The following GIMAP8 variants were observed in gnomAD, a reference collection of about 807,000 sequenced individuals.
GIMAP8 encodes GTPase, IMAP family member 8, also known as GTPase IMAP family member 8.
GIMAP8 carries 29 observed loss-of-function variants against 35.6 expected under a neutral mutation model. The ratio of observed to expected loss-of-function variants is 0.81; its 90% CI spans 0.61 to 1.11. GIMAP8 has a LOEUF of 1.11. Ranked by LOEUF, GIMAP8 falls within the 50% of genes most tolerant of loss-of-function variation. The probability of loss-of-function intolerance (pLI) is 0.00; values close to 1 mark genes in which losing one functional copy is unlikely to be tolerated. For missense variants in GIMAP8, 811 were observed against 805.0 expected, an observed-to-expected ratio of 1.01 and a Z score of -0.09; for synonymous variants, 335 against 308.7, an observed-to-expected ratio of 1.09 and a Z score of -0.89.
Position 150,474,543 on chromosome 7 carries a change from G to C in GIMAP8, c.1214G>C (p.Gly405Ala), listed in dbSNP as rs1802178786. 6.3e-7 allele frequency: 1 copy of C among 1,577,778 alleles called. No homozygotes were observed. Among genetic ancestry groups the C allele is most frequent in the Non-Finnish European group, 8.7e-7 (1 of 1,147,546 alleles). Residue 405 changes from glycine to alanine, a missense_variant, in exon 4 of 5, where the codon GGA (glycine) becomes GCA (alanine). By Grantham distance (60) the Gly-to-Ala change is moderately conservative. Transcript: ENST00000307271. ...AGTGCCTTCAACTACCGGGCAACAG[G>C]AGAAGAAGAGCAAAGGCAGGCGGAC... is the stretch of plus-strand genomic sequence containing the variant. ...RYSAFNYRAT[G>A]EEEQRQADEL...
At chr7:150,469,248 CT>C (rs1563285327) in intron 2 of GIMAP8, among the ~76,000 whole-genome samples, 2 of 152,216 alleles carry the variant, frequency 1.3e-5, no homozygotes, top group African/African-American at 4.8e-5. Flanking sequence ...CCATCCCACC[CT>C]GTACCAGGTT....
rs866758096 is a variant in GIMAP8, at chr7:150,477,694, G to A, written c.1912G>A (p.Glu638Lys). The A allele has an allele frequency of 6.2e-7, 1 of 1,614,192 alleles. No homozygotes were observed. Among genetic ancestry groups the A allele is most frequent in the Non-Finnish European group, 8.5e-7 (1 of 1,180,038 alleles). The change falls in exon 5 of 5, where the codon GAG becomes AAG. Residue 638 changes from glutamate (E) to lysine (K), a missense_variant. Physicochemically the swap from Glu to Lys is moderately conservative, Grantham distance 56 (BLOSUM62 1). Transcript: ENST00000307271. The part of the protein sequence containing the change: ...SGWSGYPHTQ[E>K]NVSKLIKNVQ... ...GTGGTCCGGGTATCCCCATACACAGGAGAACGTCAGCAAACTAATTAAAAA... is the reference window on the plus strand; with the variant it reads ...GTGGTCCGGGTATCCCCATACACAGAAGAACGTCAGCAAACTAATTAAAAA...
intron 1 of GIMAP8, among the ~76,000 whole-genome samples, chr7:150,461,922 T>C (rs929572345): frequency 2.6e-5 from 4 of 152,230 alleles, no homozygotes; most frequent in African/African-American, 9.6e-5. Context: ...AGGCTGTTTA[T>C]TTCACCTGGG....
rs1417823598 is a variant in GIMAP8 at position 150,460,917 on chromosome 7, G to A, written c.-28-5754G>A. Among the ~76,000 whole-genome samples the A allele has an allele frequency of 2.6e-5, 4 of 152,250 alleles. No individual in the cohort carries two copies. In the East Asian group the frequency reaches 5.8e-4, roughly 22 times the overall value. ...TTGGTGGCCCATGGCTAAGTGTTCA[G>A]TGTCTACTAAGGCCCAGCGGCAGGC... On this transcript the variant is annotated intron_variant, in intron 1 of 4. Transcript: ENST00000307271.
intron 1 of GIMAP8, among the ~76,000 whole-genome samples, chr7:150,461,096 T>C (rs1271454118): frequency 6.6e-6 from 1 of 152,286 alleles, no homozygotes; most frequent in East Asian, 1.9e-4. Context: ...TAAGCACCAT[T>C]GGAGCTAATA....
intron 1 of GIMAP8, among the ~76,000 whole-genome samples, chr7:150,459,106 G>T (rs1563281000): frequency 6.6e-6 from 1 of 152,174 alleles, no homozygotes; most frequent in Non-Finnish European, 1.5e-5. Context: ...GTTATTAGTA[G>T]CCCTGCCTGG....
rs190925921 is a variant in GIMAP8 at position 150,474,568 on chromosome 7, C to T, written c.1239C>T (p.Asp413=). ...ATGEEEQRQA[D]ELLEKIESMV... Reference sequence around the variant, plus strand: ...GAGAAGAAGAGCAAAGGCAGGCGGACGAGCTCCTGGAAAAAATTGAGAGCA... The same window carrying T: ...GAGAAGAAGAGCAAAGGCAGGCGGATGAGCTCCTGGAAAAAATTGAGAGCA... Residue 413 remains aspartate, a synonymous_variant, in exon 4 of 5, where the codon GAC becomes GAT. Coordinates refer to ENST00000307271, the MANE Select transcript of GIMAP8 (RefSeq NM_175571.4). The T allele has an allele frequency of 9.6e-5, 155 of 1,613,006 alleles. No homozygotes were observed. The highest frequency in any genetic ancestry group is 1.3e-4 in the Admixed American group (8 of 59,834).
At chr7:150,460,487 T>G (rs942290686) in intron 1 of GIMAP8, among the ~76,000 whole-genome samples, 1 of 152,220 alleles carries the variant, frequency 6.6e-6, no homozygotes, top group African/African-American at 2.4e-5. Context: ...TATCTCCTTT[T>G]AAACAGAATG....
rs1802168232 is a variant in GIMAP8 at position 150,474,163 on chromosome 7, T to A, written c.834T>A (p.Ser278Arg). The A allele has an allele frequency of 1.2e-6, 2 of 1,614,160 alleles. No individual in the cohort carries two copies. Among genetic ancestry groups the A allele is most frequent in the Non-Finnish European group, 1.7e-6 (2 of 1,180,032 alleles). The change falls in exon 4 of 5, where the codon AGT (serine) becomes AGA (arginine). Residue 278 changes from serine to arginine, a missense_variant. Transcript: ENST00000307271. ...GGCAGGCCTTTCAGACCGGATTTAGTGAGCAGTCAGTAACCCAGAGCTTCT... is the reference window on the plus strand; with the variant it reads ...GGCAGGCCTTTCAGACCGGATTTAGAGAGCAGTCAGTAACCCAGAGCTTCT... ...LGRQAFQTGF[S>R]EQSVTQSFLS...
intron 4 of GIMAP8, among the ~76,000 whole-genome samples, 191 bp from the exon 5 acceptor site, chr7:150,476,901 C>T (rs1802241035): frequency 6.6e-6 from 1 of 152,186 alleles, no homozygotes; most frequent in African/African-American, 2.4e-5. Context: ...TGCCATGAGT[C>T]CACAGACTGA....
At chr7:150,460,163 G>C (rs1801813853) in intron 1 of GIMAP8, among the ~76,000 whole-genome samples, 1 of 152,186 alleles carries the variant, frequency 6.6e-6, no homozygotes, top group Non-Finnish European at 1.5e-5. Context: ...TTGTTCATCA[G>C]CATATTGGAT....
intron 4 of GIMAP8, among the ~76,000 whole-genome samples, chr7:150,475,884 G>T (rs192510759): frequency 6.6e-6 from 1 of 152,208 alleles, no homozygotes; most frequent in African/African-American, 2.4e-5. Flanking sequence ...GACTAAGCAT[G>T]TCACTTGTTA....
In GIMAP8 at chr7:150,474,480, C is replaced by T; in HGVS notation, c.1151C>T (p.Ala384Val). ...ACGTTCTTAAGAAACAGCAATAAAG[C>T]TCTCTATGGTCTCATCCAGAAGTGT... is the stretch of plus-strand genomic sequence containing the variant. ...LDTFLRNSNK[A>V]LYGLIQKCKN... The change falls in exon 4 of 5, where the codon GCT becomes GTT. Residue 384 changes from alanine (A) to valine (V), a missense_variant. Transcript: ENST00000307271. 1 of 1,613,836 alleles carries T rather than the reference C, an allele frequency of 6.2e-7. No homozygotes were observed. The highest frequency in any genetic ancestry group is 8.5e-7 in the Non-Finnish European group (1 of 1,179,826).
intron 4 of GIMAP8, among the ~76,000 whole-genome samples, chr7:150,475,460 A>G (rs1000573776): frequency 6.6e-6 from 1 of 152,080 alleles, no homozygotes; most frequent in Non-Finnish European, 1.5e-5. Flanking sequence ...CTTCAACTGG[A>G]TAGTGTGAGT....
At chr7:150,462,385 A>G (rs1211750951) in intron 1 of GIMAP8, among the ~76,000 whole-genome samples, 1 of 152,176 alleles carries the variant, frequency 6.6e-6, no homozygotes, top group Non-Finnish European at 1.5e-5. Context: ...CTATAGTAAT[A>G]ACATTTGATT....
At chr7:150,457,532 A>G (rs1801756028) in intron 1 of GIMAP8, among the ~76,000 whole-genome samples, 1 of 152,258 alleles carries the variant, frequency 6.6e-6, no homozygotes, top group Non-Finnish European at 1.5e-5. Flanking sequence ...GAAACCTAAA[A>G]ATAGGCCACA....
At position 150,451,707 on chromosome 7, in the gene GIMAP8, GT is replaced by G. The variant is rs1801613159; in HGVS notation, c.-29+533del. Among the ~76,000 whole-genome samples, 1 of 152,218 alleles carries G rather than the reference GT, an allele frequency of 6.6e-6. No homozygotes were observed. The highest frequency in any genetic ancestry group is 2.4e-5 in the African/African-American group (1 of 41,444). The stretch of plus-strand genomic sequence containing the variant: ...CGGAGCTCCTCCCGCAAAGCAGGGG[GT>G]GGGGGATGCTGATTTTTCCACGTCT... On this transcript the variant is annotated intron_variant, in intron 1 of 4. Coordinates refer to ENST00000307271, the MANE Select transcript of GIMAP8 (RefSeq NM_175571.4). The surrounding 1 kb of genome is among the most constrained non-coding windows in gnomAD (Gnocchi z 4.1).
chr7:150,476,160 T>C (rs1484540914), intron 4 of GIMAP8, among the ~76,000 whole-genome samples: 1 of 152,236 alleles, frequency 6.6e-6, no homozygotes, highest in East Asian at 1.9e-4. Context: ...AGTTGAAGTT[T>C]CAGCATAAAC....
rs2116604008 is a variant in GIMAP8 at position 150,466,890 on chromosome 7, T to A, written c.192T>A (p.Ile64=). The change falls in exon 2 of 5, where the codon ATT becomes ATA. Residue 64 remains isoleucine, a synonymous_variant. Transcript: ENST00000307271. ...WVLRERKVVV[I]DTPDLFSSIA... is the part of the protein sequence containing the mutation. Reference sequence around the variant, plus strand: ...TGAGAGAAAGGAAGGTTGTGGTAATTGACACCCCTGACCTTTTCTCCTCAA... The same window carrying A: ...TGAGAGAAAGGAAGGTTGTGGTAATAGACACCCCTGACCTTTTCTCCTCAA... The A allele has an allele frequency of 6.2e-7, 1 of 1,614,240 alleles. No homozygotes were observed. Among genetic ancestry groups the A allele is most frequent in the East Asian group, 2.2e-5 (1 of 44,882 alleles).
Sources: gnomAD v4.1 joint callset for allele counts (sites outside exome capture counted in the v4.1 genomes callset) on GRCh38, gnomAD v4.1.1 for gene constraint, Gnocchi (gnomAD v3.1) non-coding constraint, MANE v1.5 for transcripts, NCBI Gene and HGNC (gene_info 2026-07-23, HGNC 2026-07-21) for gene names.